The following CPNE8 variants were observed in gnomAD, a reference collection of about 807,000 sequenced individuals.
CPNE8 encodes copine-8.
In CPNE8, 45 loss-of-function variants were observed where a neutral mutation model predicts 81.5. That is an observed-to-expected ratio of 0.55 (90% CI 0.44 to 0.71). The LOEUF (loss-of-function observed/expected upper bound fraction) is 0.71, where lower values mean the gene tolerates loss of function less well. Among genes scored for constraint, CPNE8 ranks in the 30% least tolerant of loss-of-function variants. CPNE8 has a pLI of 0.00. For synonymous variants in CPNE8, 252 were observed against 226.3 expected (o/e 1.11, Z -1.02); for missense variants, 594 against 672.1 (o/e 0.88, Z 1.28).
chr12:38,857,417 T>G (rs1393641908), intron 3 of CPNE8, among the ~76,000 whole-genome samples: 2 of 152,020 alleles, frequency 1.3e-5, no homozygotes, highest in Non-Finnish European at 2.9e-5. Context: ...TGGAGTCGTT[T>G]CTCTATTTTT....
intron 9 of CPNE8, among the ~76,000 whole-genome samples, 192 bp from the exon 10 acceptor site, chr12:38,761,080 A>G (rs1009009567): frequency 3.9e-5 from 6 of 152,218 alleles, no homozygotes; most frequent in African/African-American, 1.4e-4. Context: ...GGCTTCTAAA[A>G]TCTTCATTGA....
intron 1 of CPNE8, among the ~76,000 whole-genome samples, chr12:38,874,890 GT>G (rs1202696254): frequency 6.6e-6 from 1 of 152,142 alleles, no homozygotes; most frequent in Non-Finnish European, 1.5e-5. Flanking sequence ...ATTGTGAGTT[GT>G]TATTAATGCA....
At chr12:38,693,197 G>C (rs1303539530) in intron 15 of CPNE8, among the ~76,000 whole-genome samples, 1 of 152,070 alleles carries the variant, frequency 6.6e-6, no homozygotes, top group Admixed American at 6.6e-5. Context: ...GAATTCAAAA[G>C]ACAGCCAGAA....
chr12:38,771,560 TTTGAA>T (rs1941804044), intron 7 of CPNE8, among the ~76,000 whole-genome samples: 1 of 152,206 alleles, frequency 6.6e-6, no homozygotes, highest in African/African-American at 2.4e-5. Flanking sequence ...AAAATTTGCA[TTTGAA>T]TAAAACTGTA....
At chr12:38,867,339 TGAGAGA>T (rs367740036) in intron 3 of CPNE8, among the ~76,000 whole-genome samples, 2,713 of 122,008 alleles carry the variant, frequency 0.022, 76 homozygotes, top group African/African-American at 0.081. Context: ...TGTGTGTGTG[TGAGAGA>T]GAGAGAGAGA....
chr12:38,881,503 T>C (rs768708230), intron 1 of CPNE8, among the ~76,000 whole-genome samples: 1 of 152,188 alleles, frequency 6.6e-6, no homozygotes, highest in Non-Finnish European at 1.5e-5. Flanking sequence ...AATTTTAAGT[T>C]ATTTTTCAGT....
chr12:38,832,956 T>G (rs569192720), intron 5 of CPNE8, among the ~76,000 whole-genome samples: 1 of 152,250 alleles, frequency 6.6e-6, no homozygotes, highest in Admixed American at 6.5e-5. Context: ...CGAGAGATAA[T>G]ACAAAGTTCT....
At chr12:38,731,265 A>G (rs946054055) in intron 10 of CPNE8, among the ~76,000 whole-genome samples, 4 of 151,974 alleles carry the variant, frequency 2.6e-5, no homozygotes, top group Admixed American at 6.6e-5. Flanking sequence ...AGCCATTTGT[A>G]TAATAGAATT....
chr12:38,872,317 C>G (rs998839881), intron 3 of CPNE8, among the ~76,000 whole-genome samples: 1 of 152,158 alleles, frequency 6.6e-6, no homozygotes, highest in African/African-American at 2.4e-5. Context: ...AAATGACTGG[C>G]AAATGCACTC....
At chr12:38,735,929 A>G (rs926476015) in intron 10 of CPNE8, among the ~76,000 whole-genome samples, 2 of 151,832 alleles carry the variant, frequency 1.3e-5, no homozygotes, top group Non-Finnish European at 2.9e-5. Context: ...TTCAATGTAG[A>G]AGTGATCATT....
At chr12:38,839,761 T>C (rs1943439106) in intron 5 of CPNE8, among the ~76,000 whole-genome samples, 155 bp downstream of exon 5, 1 of 152,094 alleles carries the variant, frequency 6.6e-6, no homozygotes, top group Non-Finnish European at 1.5e-5. Context: ...TCCTCCAAAA[T>C]GTTTTTCTGG....
chr12:38,790,065 A>T (rs1942286751), intron 6 of CPNE8, among the ~76,000 whole-genome samples: 1 of 151,824 alleles, frequency 6.6e-6, no homozygotes. Flanking sequence ...AGATAGAGCT[A>T]TCGTAAGATC....
At chr12:38,693,125 G>A (rs1158176509) in intron 15 of CPNE8, among the ~76,000 whole-genome samples, 1 of 152,136 alleles carries the variant, frequency 6.6e-6, no homozygotes, top group Non-Finnish European at 1.5e-5. Context: ...ATGAACATGA[G>A]CAAAGAAGTT....
chr12:38,680,576 T>A (rs186802088), intron 16 of CPNE8, among the ~76,000 whole-genome samples: 1 of 152,152 alleles, frequency 6.6e-6, no homozygotes, highest in East Asian at 1.9e-4. Flanking sequence ...AGTCAGATTA[T>A]TCCAGTTTGA....
At chr12:38,765,880 T>C (rs1941677184) in intron 8 of CPNE8, among the ~76,000 whole-genome samples, 1 of 152,020 alleles carries the variant, frequency 6.6e-6, no homozygotes, top group African/African-American at 2.4e-5. Context: ...TTTTTTAAGA[T>C]GGAGTTTCAC....
At chr12:38,760,693 C>T (rs940833610) in intron 10 of CPNE8, among the ~76,000 whole-genome samples, 154 bp downstream of exon 10, 1 of 151,980 alleles carries the variant, frequency 6.6e-6, no homozygotes, top group Non-Finnish European at 1.5e-5. Flanking sequence ...AAAATATGCT[C>T]ATTTTAAAAT....
chr12:38,690,456 TATC>T (rs1350122498), intron 15 of CPNE8, among the ~76,000 whole-genome samples: 7 of 152,312 alleles, frequency 4.6e-5, no homozygotes, highest in African/African-American at 1.7e-4. Flanking sequence ...GTTGAGGCAT[TATC>T]ATCAACATAA....
At chr12:38,820,266 G>A (rs1253557494) in intron 6 of CPNE8, among the ~76,000 whole-genome samples, 2 of 152,026 alleles carry the variant, frequency 1.3e-5, no homozygotes, top group South Asian at 2.1e-4. Flanking sequence ...TTAGCCGGGC[G>A]TGGTGATGTG....
At chr12:38,680,728 T>C (rs1289264066) in intron 16 of CPNE8, among the ~76,000 whole-genome samples, 2 of 152,030 alleles carry the variant, frequency 1.3e-5, no homozygotes, top group African/African-American at 2.4e-5. Flanking sequence ...TTGTTAGAGA[T>C]AGATCATGGG....
Sources: allele counts gnomAD v4.1 joint callset (sites outside exome capture counted in the v4.1 genomes callset), GRCh38; gene constraint gnomAD v4.1.1; transcripts MANE v1.5; gene names NCBI Gene and HGNC (gene_info 2026-07-23, HGNC 2026-07-21).